The following PCDH9 variants were observed in gnomAD, a reference collection of about 807,000 sequenced individuals.
The protein encoded by PCDH9 is protocadherin-9.
PCDH9 carries 24 observed loss-of-function variants against 70.6 expected under a neutral mutation model. The ratio of observed to expected loss-of-function variants is 0.34; its 90% CI spans 0.25 to 0.48. PCDH9 has a LOEUF of 0.48. Among genes scored for constraint, PCDH9 ranks in the 20% least tolerant of loss-of-function variants. The pLI is 0.99. For synonymous variants in PCDH9, 562 were observed against 558.5 expected (o/e 1.01, Z -0.09); for missense variants, 1,281 against 1,503.6 (o/e 0.85, Z 2.45).
chr13:67,053,371 T>C lies in PCDH9; in HGVS notation c.3037-149766A>G, dbSNP rs1382254799. Among the ~76,000 whole-genome samples the C allele has an allele frequency of 1.3e-5, 2 of 152,008 alleles. 1 individual carries two copies. The highest frequency in any genetic ancestry group is 4.8e-5 in the African/African-American group (2 of 41,390). On this transcript the variant is annotated intron_variant, in intron 2 of 4. Transcript: ENST00000377865. ...CAAATAGCACAGACGAAACAGGACA[T>C]AGGACAAGAAACAGCAAAGTGTCAT...
chr13:66,881,655 A>C (rs9571682), intron 3 of PCDH9, among the ~76,000 whole-genome samples: 7,904 of 152,254 alleles, frequency 0.052, 301 homozygotes, highest in East Asian at 0.14. Flanking sequence ...TAAAATAACA[A>C]AATCATTTAC....
At chr13:66,907,143 G>T (rs2082375626) in intron 2 of PCDH9, among the ~76,000 whole-genome samples, 2 of 152,122 alleles carry the variant, frequency 1.3e-5, no homozygotes, top group African/African-American at 4.8e-5. Context: ...GCTGGAGGTT[G>T]CAGTGAGCTG....
chr13:67,163,190 G>A (rs932648164), intron 2 of PCDH9, among the ~76,000 whole-genome samples: 1 of 152,030 alleles, frequency 6.6e-6, no homozygotes, highest in Non-Finnish European at 1.5e-5. Flanking sequence ...ATCTCACCCA[G>A]CCCCGAAAAA....
chr13:66,698,275 T>C (rs562029445), intron 3 of PCDH9, among the ~76,000 whole-genome samples: 2 of 152,262 alleles, frequency 1.3e-5, no homozygotes, highest in South Asian at 4.1e-4. Flanking sequence ...AATAGTAAAT[T>C]CATGTTATCT....
At chr13:66,583,279 A>C (rs2076918509) in intron 4 of PCDH9, among the ~76,000 whole-genome samples, 1 of 152,150 alleles carries the variant, frequency 6.6e-6, no homozygotes, top group Admixed American at 6.5e-5. Context: ...TTACTCGATT[A>C]TAATTTCTTA....
chr13:67,020,142 C>CT (rs977221347), intron 2 of PCDH9, among the ~76,000 whole-genome samples: 1 of 151,816 alleles, frequency 6.6e-6, no homozygotes, highest in African/African-American at 2.4e-5. Context: ...GTATATGTTT[C>CT]TTTTTTTTAC....
At chr13:67,177,477 T>G (rs2088494599) in intron 2 of PCDH9, among the ~76,000 whole-genome samples, 1 of 152,130 alleles carries the variant, frequency 6.6e-6, no homozygotes, top group African/African-American at 2.4e-5. Context: ...TTTACTTTAC[T>G]TTTATCTTGA....
At chr13:67,082,400 C>T (rs1164975960) in intron 2 of PCDH9, among the ~76,000 whole-genome samples, 2 of 152,174 alleles carry the variant, frequency 1.3e-5, no homozygotes, top group South Asian at 2.1e-4. Context: ...AGATTAAAGG[C>T]TGTAACAAAC....
At chr13:66,797,638 TCAA>T (rs1411265987) in intron 3 of PCDH9, among the ~76,000 whole-genome samples, 2 of 152,312 alleles carry the variant, frequency 1.3e-5, no homozygotes, top group Non-Finnish European at 1.5e-5. Context: ...TTAAAATAAC[TCAA>T]CGTTAAACCT....
intron 2 of PCDH9, among the ~76,000 whole-genome samples, chr13:67,067,197 T>C (rs920241550): frequency 1.3e-5 from 2 of 152,154 alleles, no homozygotes; most frequent in African/African-American, 4.8e-5. Context: ...AAGGTGTCTG[T>C]GTTAATGAGC....
chr13:66,633,543 T>G (rs1358235229), intron 3 of PCDH9, among the ~76,000 whole-genome samples: 3 of 152,122 alleles, frequency 2.0e-5, no homozygotes, highest in African/African-American at 7.2e-5. Context: ...GGAACCACAG[T>G]GCTTATTATG....
chr13:66,733,632 A>G (rs2079105091), intron 3 of PCDH9, among the ~76,000 whole-genome samples: 1 of 151,830 alleles, frequency 6.6e-6, no homozygotes, highest in Non-Finnish European at 1.5e-5. Flanking sequence ...AAATGGTTTT[A>G]AGATTAGTGG....
intron 4 of PCDH9, among the ~76,000 whole-genome samples, chr13:66,390,671 G>A (rs573988921): frequency 6.6e-6 from 1 of 151,972 alleles, no homozygotes; most frequent in African/African-American, 2.4e-5. Context: ...GGGAGGCAGA[G>A]GTTGCAGTGA....
intron 2 of PCDH9, among the ~76,000 whole-genome samples, chr13:67,119,786 G>A (rs1280491378): frequency 6.6e-6 from 1 of 152,082 alleles, no homozygotes; most frequent in Admixed American, 6.6e-5. Context: ...GACATGCTGT[G>A]GTGGGGTGAG....
intron 2 of PCDH9, among the ~76,000 whole-genome samples, chr13:67,034,439 T>C (rs763020115): frequency 6.6e-6 from 1 of 152,226 alleles, no homozygotes; most frequent in Non-Finnish European, 1.5e-5. Context: ...ACGCCATTCA[T>C]ACTAAAGACC....
intron 4 of PCDH9, among the ~76,000 whole-genome samples, chr13:66,311,336 TTCTCTC>T (rs1166153854): frequency 7.1e-6 from 1 of 140,842 alleles, no homozygotes; most frequent in African/African-American, 2.6e-5. Flanking sequence ...CCCTCAATTT[TTCTCTC>T]TCTCTCTCTC....
At chr13:66,711,303 C>T (rs1405740369) in intron 3 of PCDH9, among the ~76,000 whole-genome samples, 1 of 151,260 alleles carries the variant, frequency 6.6e-6, no homozygotes, top group Non-Finnish European at 1.5e-5. Context: ...ACCATTGGGT[C>T]TGTGAATTCA....
At chr13:67,193,898 C>T (rs553810480) in intron 2 of PCDH9, among the ~76,000 whole-genome samples, 42 of 152,128 alleles carry the variant, frequency 2.8e-4, no homozygotes, top group African/African-American at 5.1e-4. Flanking sequence ...ATTATACAAA[C>T]GAGGCCAACA....
intron 4 of PCDH9, among the ~76,000 whole-genome samples, chr13:66,578,070 T>G (rs535013662): frequency 6.6e-6 from 1 of 152,204 alleles, no homozygotes; most frequent in African/African-American, 2.4e-5. Flanking sequence ...ATCTAAAAGT[T>G]TATTTTATGT....
Sources: gnomAD v4.1 joint callset for allele counts (sites outside exome capture counted in the v4.1 genomes callset) on GRCh38, gnomAD v4.1.1 for gene constraint, MANE v1.5 for transcripts, NCBI Gene and HGNC (gene_info 2026-07-23, HGNC 2026-07-21) for gene names.